Variants in PPP1R9B observed in about 807,000 individuals in gnomAD.
PPP1R9B encodes neurabin-2.
In PPP1R9B, 17 loss-of-function variants were observed where a neutral mutation model predicts 75.8. The ratio of observed to expected loss-of-function variants is 0.22; its 90% confidence interval spans 0.15 to 0.34. The LOEUF is 0.34. Ranked by LOEUF, PPP1R9B falls within the 10% of genes least tolerant of loss-of-function variation. The probability of loss-of-function intolerance (pLI) is 1.00; values close to 1 mark genes in which losing one functional copy is unlikely to be tolerated. For missense variants in PPP1R9B, 875 were observed against 1,196.0 expected (o/e 0.73, Z 3.96); for synonymous variants, 509 against 535.4 (o/e 0.95, Z 0.68).
chr17:50,141,677 A>C (rs866928071), intron 3 of PPP1R9B, among the ~76,000 whole-genome samples: 20 of 150,614 alleles, frequency 1.3e-4, no homozygotes, highest in Non-Finnish European at 2.4e-4. Flanking sequence ...AAAAAAAAAA[A>C]CAAAAAAAAA....
At chr17:50,143,032 C>T (rs1912426146) in intron 3 of PPP1R9B, among the ~76,000 whole-genome samples, 2 of 152,216 alleles carry the variant, frequency 1.3e-5, no homozygotes, top group African/African-American at 4.8e-5. Flanking sequence ...GCACTGCTTC[C>T]TCCAGGAAGC....
rs1165910192 is a variant in PPP1R9B, at chr17:50,139,242, C to G, written c.2073+21G>C. On this transcript the variant is annotated intron_variant, in intron 7 of 9. Coordinates refer to ENST00000612501, the MANE Select transcript of PPP1R9B (RefSeq NM_032595.5). This position sits in a 1 kb window ranked among gnomAD's most constrained non-coding sequence, Gnocchi z 5.0. ...ACACACACATGCACGCACGCAAAAG[C>G]ACACACATACGCACCCTTACCTTTC... 6.2e-7 allele frequency: 1 copy of G among 1,614,050 alleles called. No homozygotes were observed. Among genetic ancestry groups the G allele is most frequent in the Non-Finnish European group, 8.5e-7 (1 of 1,179,880 alleles).
intron 5 of PPP1R9B, 67 bp downstream of exon 5, chr17:50,140,026 A>G: frequency 6.4e-7 from 1 of 1,551,720 alleles, no homozygotes; most frequent in Non-Finnish European, 8.8e-7. Context: ...GTAGAGGCAG[A>G]TGACTGTAAT....
Position 50,149,194 on chromosome 17 carries a change from C to G in PPP1R9B, c.1320G>C (p.Glu440Asp). The G allele has an allele frequency of 6.9e-6, 11 of 1,592,716 alleles. No homozygotes were observed. The highest frequency in any genetic ancestry group is 9.4e-6 in the Non-Finnish European group (11 of 1,170,244). The part of the protein sequence containing the change: ...GCVEIPGLSE[E>D]EDPAPSRKIH... ...TCTTCCGGCTCGGGGCTGGGTCCTCCTCCTCCGACAGCCCCGGGATCTCCA... is the reference window on the plus strand; with the variant it reads ...TCTTCCGGCTCGGGGCTGGGTCCTCGTCCTCCGACAGCCCCGGGATCTCCA... The change falls in exon 1 of 10, where the codon GAG becomes GAC. Residue 440 changes from glutamate to aspartate, a missense_variant. Physicochemically the swap from Glu to Asp is conservative, Grantham distance 45 (BLOSUM62 2). Around this residue, in one of 4 missense-constraint regions of PPP1R9B, gnomAD observed 449 missense variants for 475.0 expected, o/e 0.95. Coordinates refer to ENST00000612501, the MANE Select transcript of PPP1R9B (RefSeq NM_032595.5). The surrounding 1 kb of genome is among the most constrained non-coding windows in gnomAD (Gnocchi z 7.2).
chr17:50,142,261 G>A lies in PPP1R9B; in HGVS notation c.1626-888C>T, dbSNP rs188133164. Among the ~76,000 whole-genome samples, 230 of 152,252 alleles carry A rather than the reference G, an allele frequency of 1.5e-3. 2 individuals carry two copies. The highest frequency in any genetic ancestry group is 5.3e-3 in the African/African-American group (220 of 41,546). On this transcript the variant is annotated intron_variant, in intron 3 of 9. Coordinates refer to ENST00000612501, the MANE Select transcript of PPP1R9B (RefSeq NM_032595.5). This position sits in a 1 kb window ranked among gnomAD's most constrained non-coding sequence, Gnocchi z 4.1. Reference sequence around the variant, plus strand: ...CCTCCTCCACTCCACCTCCCTGGGAGCTCCAGGCCTTCTCTCAGGACTCCC... The same window carrying A: ...CCTCCTCCACTCCACCTCCCTGGGAACTCCAGGCCTTCTCTCAGGACTCCC...
intron 1 of PPP1R9B, among the ~76,000 whole-genome samples, chr17:50,147,281 G>A (rs1912540476): frequency 1.3e-5 from 2 of 152,216 alleles, no homozygotes; most frequent in Admixed American, 6.5e-5. Context: ...AGGCCAAGCT[G>A]GAATTGGGTT....
intron 8 of PPP1R9B, 154 bp from the exon 9 acceptor site, chr17:50,135,803 G>A: frequency 1.2e-6 from 1 of 868,972 alleles, no homozygotes; most frequent in Non-Finnish European, 1.8e-6. Flanking sequence ...TGGGGGTCTG[G>A]CTCTGTGCTG....
intron 2 of PPP1R9B, among the ~76,000 whole-genome samples, chr17:50,144,376 C>G (rs1912461183): frequency 6.6e-6 from 1 of 152,188 alleles, no homozygotes; most frequent in Non-Finnish European, 1.5e-5. Context: ...CCACCCACAC[C>G]CGCTCTGCCA....
In PPP1R9B at chr17:50,135,120, T is replaced by C; in HGVS notation, c.*211A>G. On this transcript the variant is annotated 3_prime_UTR_variant, in exon 10 of 10. Coordinates refer to ENST00000612501, the MANE Select transcript of PPP1R9B (RefSeq NM_032595.5). The stretch of plus-strand genomic sequence containing the variant: ...CCATGGGGCAAGAAAGAGGCTGCCC[T>C]TCTAGCCACCTCTGTCTGCCCAGGC... The C allele has an allele frequency of 1.7e-6, 1 of 594,248 alleles. No individual in the cohort carries two copies. Among genetic ancestry groups the C allele is most frequent in the Non-Finnish European group, 3.0e-6 (1 of 331,866 alleles). The allele number at this position is 594,248 out of a possible 1,614,324, so 36.8% of individuals were successfully genotyped here.
chr17:50,141,193 T>C (rs913853406), intron 4 of PPP1R9B, 76 bp downstream of exon 4: 12 of 952,892 alleles, frequency 1.3e-5, no homozygotes, highest in Non-Finnish European at 1.8e-5. Flanking sequence ...CTTAACTGGC[T>C]GTTAAGGCAG....
In PPP1R9B at chr17:50,139,971, G is replaced by T; in HGVS notation, c.1866+122C>A. 2 of 1,074,080 alleles carry T rather than the reference G, an allele frequency of 1.9e-6. No homozygotes were observed. The highest frequency in any genetic ancestry group is 2.6e-6 in the Non-Finnish European group (2 of 756,482). 66.5% of individuals were successfully genotyped at this position (1,074,080 alleles called of 1,614,324 possible). ...CTGAAGACAAAGAGTGTGACTGGAG[G>T]ACAGGGAATGGCACTGTGGGCTTTT... is the stretch of plus-strand genomic sequence containing the variant. On this transcript the variant is annotated intron_variant, in intron 5 of 9. Transcript: ENST00000612501. This position sits in a 1 kb window ranked among gnomAD's most constrained non-coding sequence, Gnocchi z 5.0.
chr17:50,141,866 C>T (rs1036171248), intron 3 of PPP1R9B, among the ~76,000 whole-genome samples: 3 of 152,102 alleles, frequency 2.0e-5, no homozygotes, highest in Non-Finnish European at 2.9e-5. Flanking sequence ...GACCAGGAGA[C>T]GCGGCAGGCA....
chr17:50,149,860 G>C lies in PPP1R9B; in HGVS notation c.654C>G (p.Ala218=). The change falls in exon 1 of 10, where the codon GCC becomes GCG. Residue 218 remains alanine (A), a synonymous_variant. Coordinates refer to ENST00000612501, the MANE Select transcript of PPP1R9B (RefSeq NM_032595.5). This position sits in a 1 kb window ranked among gnomAD's most constrained non-coding sequence, Gnocchi z 7.2. ...VSQLSAVFEK[A]DSRTGLHRGP... is the part of the protein sequence containing the mutation. ...CGCGGTGGAGGCCGGTCCTCGAGTC[G>C]GCCTTCTCGAAGACGGCGCTGAGCT... The C allele has an allele frequency of 6.7e-7, 1 of 1,490,860 alleles. No individual in the cohort carries two copies. Among genetic ancestry groups the C allele is most frequent in the Non-Finnish European group, 8.9e-7 (1 of 1,126,380 alleles). 92.4% of individuals were successfully genotyped at this position (1,490,860 alleles called of 1,614,324 possible). A position where few individuals can be genotyped will look rare whatever the true frequency, so the allele number is the denominator to read the frequency against.
chr17:50,146,351 C>T (rs953446842), intron 1 of PPP1R9B, among the ~76,000 whole-genome samples: 4 of 141,870 alleles, frequency 2.8e-5, no homozygotes, highest in Middle Eastern at 3.5e-3. Flanking sequence ...TGGAGCCAGG[C>T]GGGGGCGGGG....
In PPP1R9B at chr17:50,150,067, C is replaced by T. The variant is rs1165048815; in HGVS notation, c.447G>A (p.Lys149=). 1 of 1,442,808 alleles carries T rather than the reference C, an allele frequency of 6.9e-7. No homozygotes were observed. The highest frequency in any genetic ancestry group is 9.0e-7 in the Non-Finnish European group (1 of 1,105,156). The allele number at this position is 1,442,808 out of a possible 1,614,324, so 89.4% of individuals were successfully genotyped here. The change falls in exon 1 of 10, where the codon AAG becomes AAA. Residue 149 remains lysine, a synonymous_variant. Transcript: ENST00000612501. This position sits in a 1 kb window ranked among gnomAD's most constrained non-coding sequence, Gnocchi z 8.7. The stretch of plus-strand genomic sequence containing the variant: ...CCGCTGGGGCGCTCCGTTCGAACAG[C>T]TTCCGCGTCTCCTGCAGCCGGGACG... ...HPPSRLQETR[K]LFERSAPAAA...
At chr17:50,146,784 T>C (rs1912528655) in intron 1 of PPP1R9B, among the ~76,000 whole-genome samples, 1 of 152,182 alleles carries the variant, frequency 6.6e-6, no homozygotes, top group Non-Finnish European at 1.5e-5. Flanking sequence ...CAAGGTCACA[T>C]GGGTTAAACT....
Position 50,150,215 on chromosome 17 carries a change from C to T in PPP1R9B, c.299G>A (p.Ser100Asn), listed in dbSNP as rs1416814477. 2 of 1,448,438 alleles carry T rather than the reference C, an allele frequency of 1.4e-6. No individual in the cohort carries two copies. Among genetic ancestry groups the T allele is most frequent in the African/African-American group, 1.5e-5 (1 of 67,818 alleles). The allele number at this position is 1,448,438 out of a possible 1,614,324, so 89.7% of individuals were successfully genotyped here. The change falls in exon 1 of 10, where the codon AGC becomes AAC. Residue 100 changes from serine to asparagine, a missense_variant. Transcript: ENST00000612501. This position sits in a 1 kb window ranked among gnomAD's most constrained non-coding sequence, Gnocchi z 8.7. ...GCTGTGGTCCACGTTCTCGTTCAGG[C>T]TGCTGGCCCGCGGCAGCGACAGGCG... is the stretch of plus-strand genomic sequence containing the variant. Reference protein sequence around the residue: ...GVRLSLPRASSLNENVDHSAL... With the variant: ...GVRLSLPRASNLNENVDHSAL...
chr17:50,138,715 C>T (rs1912294416), intron 7 of PPP1R9B, among the ~76,000 whole-genome samples: 1 of 152,094 alleles, frequency 6.6e-6, no homozygotes, highest in South Asian at 2.1e-4. Flanking sequence ...CCTCGACCTA[C>T]CCTGGCCCAA....
chr17:50,143,550 C>T (rs757836199), intron 3 of PPP1R9B, 48 bp downstream of exon 3: 35 of 1,607,914 alleles, frequency 2.2e-5, no homozygotes, highest in Admixed American at 1.8e-4. Context: ...CAAGGATGGC[C>T]GGTCGGAGAG....
Sources: allele counts gnomAD v4.1 joint callset (sites outside exome capture counted in the v4.1 genomes callset), GRCh38; gene constraint gnomAD v4.1.1; regional missense constraint gnomAD v4.1.1; non-coding constraint Gnocchi (gnomAD v3.1); transcripts MANE v1.5; gene names NCBI Gene and HGNC (gene_info 2026-07-23, HGNC 2026-07-21).